The following SLC26A4 variants were observed in gnomAD, a reference collection of about 807,000 sequenced individuals.
SLC26A4 encodes pendrin.
SLC26A4 carries 93 observed loss-of-function variants against 90.4 expected under a neutral mutation model. The observed-to-expected ratio is 1.03, with a 90% confidence interval of 0.87 to 1.22. The LOEUF (loss-of-function observed/expected upper bound fraction) is 1.22. Among genes scored for constraint, SLC26A4 ranks in the 50% most tolerant of loss-of-function variants. SLC26A4 has a pLI of 0.00. For missense variants in SLC26A4, 1,127 were observed against 946.2 expected, an observed-to-expected ratio of 1.19 and a Z score of -2.51; for synonymous variants, 393 against 354.6, an observed-to-expected ratio of 1.11 and a Z score of -1.22.
chr7:107,707,036 C>G (rs563320043), intron 18 of SLC26A4, among the ~76,000 whole-genome samples: 28 of 152,160 alleles, frequency 1.8e-4, no homozygotes, highest in African/African-American at 6.0e-4. Context: ...GGGCATGGAG[C>G]CTGAGGCTGA....
In SLC26A4 at chr7:107,678,499, T is replaced by C. The variant is rs1474053724; in HGVS notation, c.765+3390T>C. 2.0e-5 allele frequency among the ~76,000 whole-genome samples: 3 copies of C among 152,200 alleles called. No individual in the cohort carries two copies. In the East Asian group the frequency reaches 5.8e-4, roughly 29 times the overall value. ...GGATTATGTTTAAGAAGAAACTTTCTGCAAATGATTTCACTTTGACAGGGA... is the reference window on the plus strand; with the variant it reads ...GGATTATGTTTAAGAAGAAACTTTCCGCAAATGATTTCACTTTGACAGGGA... On this transcript the variant is annotated intron_variant, in intron 6 of 20. Transcript: ENST00000644269.
At chr7:107,703,650 T>A (rs1791959511) in intron 17 of SLC26A4, among the ~76,000 whole-genome samples, 1 of 152,214 alleles carries the variant, frequency 6.6e-6, no homozygotes, top group African/African-American at 2.4e-5. Flanking sequence ...ACACAACGAA[T>A]ATTTACTTTC....
Position 107,661,574 on chromosome 7 carries a change from C to A in SLC26A4, c.-3-65C>A. The A allele has an allele frequency of 6.7e-7, 1 of 1,493,932 alleles. No individual in the cohort carries two copies. The allele number at this position is 1,493,932 out of a possible 1,614,324, so 92.5% of individuals were successfully genotyped here. A position where few individuals can be genotyped will look rare whatever the true frequency, so the allele number is the denominator to read the frequency against. Reference sequence around the variant, plus strand: ...GTGATCCCGTTCTTTCTGTTCCTCGCTCTTCCCCTCCGATCGTCCTCGCTT... The same window carrying A: ...GTGATCCCGTTCTTTCTGTTCCTCGATCTTCCCCTCCGATCGTCCTCGCTT... On this transcript the variant is annotated intron_variant, in intron 1 of 20. Transcript: ENST00000644269. This position sits in a 1 kb window ranked among gnomAD's most constrained non-coding sequence, Gnocchi z 5.1.
chr7:107,679,741 A>C (rs965235703), intron 6 of SLC26A4, among the ~76,000 whole-genome samples: 4 of 150,042 alleles, frequency 2.7e-5, no homozygotes, highest in African/African-American at 9.7e-5. Flanking sequence ...TTTAACAGTA[A>C]ACTAAATTAG....
At chr7:107,706,205 C>T (rs1792033477) in intron 18 of SLC26A4, among the ~76,000 whole-genome samples, 1 of 152,204 alleles carries the variant, frequency 6.6e-6, no homozygotes, top group African/African-American at 2.4e-5. Context: ...AATTTGTTTA[C>T]AAAATAAGTT....
At chr7:107,672,275 T>C (rs1446779736) in intron 4 of SLC26A4, 27 bp downstream of exon 4, 10 of 1,418,556 alleles carry the variant, frequency 7.0e-6, no homozygotes, top group Non-Finnish European at 1.0e-5. Flanking sequence ...TTTACAATTA[T>C]ATTTGCTCAT....
chr7:107,684,388 G>A (rs567744126), intron 8 of SLC26A4, among the ~76,000 whole-genome samples: 12 of 152,230 alleles, frequency 7.9e-5, no homozygotes, highest in South Asian at 4.2e-4. Flanking sequence ...GGAAGGGCAC[G>A]GAGCCACTGT....
At chr7:107,704,628 G>A (rs1791991003) in intron 18 of SLC26A4, among the ~76,000 whole-genome samples, 1 of 152,154 alleles carries the variant, frequency 6.6e-6, no homozygotes, top group Admixed American at 6.5e-5. Flanking sequence ...GCAAAAGCAA[G>A]CAACAAAGAG....
intron 3 of SLC26A4, among the ~76,000 whole-genome samples, chr7:107,665,420 A>C (rs545797524): frequency 2.0e-5 from 3 of 152,010 alleles, no homozygotes. Context: ...CCTAAGTTAA[A>C]CAATGCCAAG....
chr7:107,666,232 AT>A (rs928921837), intron 3 of SLC26A4, among the ~76,000 whole-genome samples: 5 of 152,036 alleles, frequency 3.3e-5, no homozygotes, highest in Non-Finnish European at 7.4e-5. Flanking sequence ...TTATTTTTAT[AT>A]TTTTTTGAGA....
intron 9 of SLC26A4, 21 bp downstream of exon 9, chr7:107,689,221 A>G: frequency 1.2e-6 from 2 of 1,612,850 alleles, no homozygotes; most frequent in South Asian, 2.2e-5. Flanking sequence ...CCTTTTGCTG[A>G]ACTGGTTTTA....
rs111033311 is a variant in SLC26A4 at position 107,694,402 on chromosome 7, G to C, written c.1264-1G>C. ...TTTCATAGGAGGTGTGTGTCTTCCAGGTTGCTGGCATCATCTCTGCTGCGA... is the reference window on the plus strand; with the variant it reads ...TTTCATAGGAGGTGTGTGTCTTCCACGTTGCTGGCATCATCTCTGCTGCGA... On this transcript the variant is annotated splice_acceptor_variant, in intron 10 of 20. Coordinates refer to ENST00000644269, the MANE Select transcript of SLC26A4 (RefSeq NM_000441.2). LOFTEE classifies it high-confidence loss of function. The C allele has an allele frequency of 6.8e-6, 11 of 1,612,812 alleles. No homozygotes were observed. Among genetic ancestry groups the C allele is most frequent in the Non-Finnish European group, 8.5e-6 (10 of 1,178,908 alleles).
chr7:107,669,707 T>C (rs1462968196), intron 3 of SLC26A4, among the ~76,000 whole-genome samples: 2 of 152,188 alleles, frequency 1.3e-5, no homozygotes, highest in Non-Finnish European at 2.9e-5. Context: ...TCAACTGTTG[T>C]TGAATGAATG....
At chr7:107,666,053 G>C (rs17154292) in intron 3 of SLC26A4, among the ~76,000 whole-genome samples, 1 of 152,060 alleles carries the variant, frequency 6.6e-6, no homozygotes, top group Non-Finnish European at 1.5e-5. Flanking sequence ...TGCACTCAGT[G>C]GTTCATTAAC....
chr7:107,662,446 G>A (rs1047858872), intron 2 of SLC26A4, among the ~76,000 whole-genome samples: 20 of 152,076 alleles, frequency 1.3e-4, no homozygotes, highest in Admixed American at 1.1e-3. Flanking sequence ...GTAGTATAAT[G>A]AACTCCCCAC....
intron 6 of SLC26A4, among the ~76,000 whole-genome samples, chr7:107,680,434 T>G (rs1404622611): frequency 7.7e-6 from 1 of 129,726 alleles, no homozygotes; most frequent in African/African-American, 3.3e-5. Context: ...ATTATATAAG[T>G]ATAATCTTTT....
chr7:107,663,492 C>G (rs1790626218), intron 3 of SLC26A4, 57 bp downstream of exon 3: 3 of 1,590,528 alleles, frequency 1.9e-6, no homozygotes, highest in African/African-American at 1.3e-5. Context: ...ACACTTCTCC[C>G]CAGCTACCAT....
intron 19 of SLC26A4, 70 bp downstream of exon 19, chr7:107,710,269 A>T: frequency 8.8e-7 from 1 of 1,141,290 alleles, no homozygotes; most frequent in South Asian, 1.2e-5. Context: ...GGCAAACATT[A>T]CACAAGTCTA....
At chr7:107,691,504 A>AAT (rs67649102) in intron 10 of SLC26A4, among the ~76,000 whole-genome samples, 3,360 of 132,068 alleles carry the variant, frequency 0.025, 134 homozygotes, top group African/African-American at 0.094. Context: ...CTCTGTGTCA[A>AAT]ATATATATAT....
Sources: allele counts gnomAD v4.1 joint callset (sites outside exome capture counted in the v4.1 genomes callset), GRCh38; gene constraint gnomAD v4.1.1; non-coding constraint Gnocchi (gnomAD v3.1); transcripts MANE v1.5; gene names NCBI Gene and HGNC (gene_info 2026-07-23, HGNC 2026-07-21).